COQ2: variants seen among roughly 807,000 people sequenced by gnomAD.
COQ2 encodes the protein coenzyme Q2, polyprenyltransferase, also known as 4-hydroxybenzoate polyprenyltransferase, mitochondrial.
In COQ2, 25 loss-of-function variants were observed where a neutral mutation model predicts 35.7. The ratio of observed to expected loss-of-function variants is 0.70; its 90% CI spans 0.51 to 0.98. COQ2 has a LOEUF of 0.98. COQ2 is among the 50% of genes least tolerant of loss of function. COQ2 has a pLI of 0.00. For missense variants in COQ2, 488 were observed against 473.5 expected (o/e 1.03, Z -0.28); for synonymous variants, 206 against 186.2 (o/e 1.11, Z -0.86).
intron 6 of COQ2, chr4:83,267,245 T>TGG: frequency 2.2e-6 from 1 of 450,006 alleles, no homozygotes; most frequent in Non-Finnish European, 4.4e-6. Flanking sequence ...GGCATGGTGG[T>TGG]GCATGACTGT....
rs1482340816 is a variant in COQ2, at chr4:83,267,720, C to T, written c.817G>A (p.Glu273Lys). The T allele has an allele frequency of 1.3e-6, 2 of 1,552,812 alleles. No homozygotes were observed. The highest frequency in any genetic ancestry group is 8.7e-7 in the Non-Finnish European group (1 of 1,147,610). Residue 273 changes from glutamate (E) to lysine (K), a missense_variant, in exon 6 of 7, where the codon GAA becomes AAA. Coordinates refer to ENST00000647002, the MANE Select transcript of COQ2 (RefSeq NM_001358921.2). ...GLKSTALRFG[E>K]NTKPWLSGFS... is the part of the protein sequence containing the mutation. ...CCGCTGAGCCACGGCTTGGTATTTT[C>T]TCCGAACCGCAGAGCCGTTGACTTA...
intron 3 of COQ2, among the ~76,000 whole-genome samples, chr4:83,273,197 C>A (rs747851939): frequency 6.6e-6 from 1 of 152,268 alleles, no homozygotes; most frequent in Middle Eastern, 3.4e-3. Flanking sequence ...GGTGTATACA[C>A]ACACATCCAT....
At chr4:83,269,514 T>A (rs888934875) in intron 5 of COQ2, among the ~76,000 whole-genome samples, 16 of 152,218 alleles carry the variant, frequency 1.1e-4, no homozygotes, top group African/African-American at 3.4e-4. Flanking sequence ...TCCTCTTCTG[T>A]TAAATGAGGA....
chr4:83,272,103 C>T lies in COQ2; in HGVS notation c.612G>A (p.Trp204Ter). The T allele has an allele frequency of 1.9e-6, 3 of 1,607,124 alleles. No homozygotes were observed. The South Asian group carries it at 3.3e-5, about 18-fold the overall frequency. ...TAAGCTCACCCAAGGCTAGTTGAGG[C>T]CAGTATGAAATTCTTTTCATTAGTG... is the stretch of plus-strand genomic sequence containing the variant. ...TYPLMKRISY[W>*]PQLALGLTFN... Residue 204 changes from tryptophan to a stop codon, truncating the protein, a stop_gained, in exon 4 of 7, where the codon TGG becomes TGA. Coordinates refer to ENST00000647002, the MANE Select transcript of COQ2 (RefSeq NM_001358921.2). LOFTEE classifies it high-confidence loss of function.
chr4:83,271,385 C>T (rs1164283475), intron 4 of COQ2, among the ~76,000 whole-genome samples: 3 of 152,200 alleles, frequency 2.0e-5, no homozygotes, highest in African/African-American at 7.2e-5. Context: ...AGAATACGAG[C>T]TGTCTAAGCT....
chr4:83,268,795 TA>T (rs889430545), intron 5 of COQ2, among the ~76,000 whole-genome samples: 15 of 152,208 alleles, frequency 9.9e-5, no homozygotes, highest in Non-Finnish European at 1.8e-4. Context: ...TAGCAGGGCA[TA>T]GGGGGTTTAG....
chr4:83,267,437 G>T, intron 6 of COQ2, 149 bp downstream of exon 6: 1 of 642,262 alleles, frequency 1.6e-6, no homozygotes, highest in Non-Finnish European at 2.6e-6. Flanking sequence ...AGTTGAGGCC[G>T]GAGGGCAGGG....
At chr4:83,285,032 T>C (rs565176568), upstream of COQ2, 8 of 733,566 alleles carry the variant, frequency 1.1e-5, no homozygotes, top group Admixed American at 2.9e-4. Flanking sequence ...TGATTGACTT[T>C]GTGGTTCCAT....
At chr4:83,274,952 C>T (rs1435063164) in intron 2 of COQ2, among the ~76,000 whole-genome samples, 1 of 152,190 alleles carries the variant, frequency 6.6e-6, no homozygotes, top group Non-Finnish European at 1.5e-5. Context: ...TGGGCCCATC[C>T]ACTGAATTAT....
intron 5 of COQ2, 92 bp from the exon 6 acceptor site, chr4:83,267,866 T>TG (rs1734960706): frequency 2.6e-6 from 3 of 1,160,666 alleles, no homozygotes; most frequent in East Asian, 2.6e-5. Flanking sequence ...AGTGTTTTTT[T>TG]GTATATTCAC....
chr4:83,268,515 CAAT>C (rs1734975513), intron 5 of COQ2, among the ~76,000 whole-genome samples: 1 of 152,226 alleles, frequency 6.6e-6, no homozygotes, highest in African/African-American at 2.4e-5. Flanking sequence ...ATCCAAATAA[CAAT>C]GACTGTGGGT....
At chr4:83,270,034 T>A in intron 4 of COQ2, 41 bp from the exon 5 acceptor site, 1 of 1,602,084 alleles carries the variant, frequency 6.2e-7, no homozygotes, top group Non-Finnish European at 8.5e-7. Context: ...AGTCTGTATG[T>A]ACTTTAGAAT....
At chr4:83,283,851 T>C (rs1735385610) in intron 1 of COQ2, 1 of 985,446 alleles carries the variant, frequency 1.0e-6, no homozygotes, top group African/African-American at 1.7e-5. Context: ...TAGGTGTTAA[T>C]TAAGATAGGA....
At chr4:83,280,046 T>C (rs532116484) in intron 1 of COQ2, among the ~76,000 whole-genome samples, 1 of 152,150 alleles carries the variant, frequency 6.6e-6, no homozygotes, top group South Asian at 2.1e-4. Flanking sequence ...CCCAGGCTAG[T>C]TGCAAACTCT....
At chr4:83,268,401 G>A (rs992674924) in intron 5 of COQ2, among the ~76,000 whole-genome samples, 1 of 152,150 alleles carries the variant, frequency 6.6e-6, no homozygotes, top group South Asian at 2.1e-4. Context: ...TCCATATACT[G>A]TTGTAAATAA....
rs750604213 is a variant in COQ2, at chr4:83,284,768, G to A, written c.-4C>T. 2 of 1,556,230 alleles carry A rather than the reference G, an allele frequency of 1.3e-6. No individual in the cohort carries two copies. The highest frequency in any genetic ancestry group is 8.6e-7 in the Non-Finnish European group (1 of 1,157,994). On this transcript the variant is annotated 5_prime_UTR_variant, in exon 1 of 7. Transcript: ENST00000647002. ...CCGCGGCTCGCGAGCCCAGCATGGC[G>A]CTGGTGAGGCCGGGACGAGCTCGGA...
Position 83,284,778 on chromosome 4 carries a change from C to A in COQ2, c.-14G>T. ...CGAGCCCAGCATGGCGCTGGTGAGG[C>A]CGGGACGAGCTCGGATTGACGTCAT... On this transcript the variant is annotated 5_prime_UTR_variant, in exon 1 of 7. Transcript: ENST00000647002. The A allele has an allele frequency of 6.4e-7, 1 of 1,562,442 alleles. No individual in the cohort carries two copies. The highest frequency in any genetic ancestry group is 8.6e-7 in the Non-Finnish European group (1 of 1,161,176).
chr4:83,270,383 C>T (rs981131032), intron 4 of COQ2, among the ~76,000 whole-genome samples: 8 of 152,190 alleles, frequency 5.3e-5, no homozygotes, highest in African/African-American at 1.9e-4. Context: ...TCTGTTACCA[C>T]TCTGCCTCCC....
intron 5 of COQ2, 39 bp from the exon 6 acceptor site, chr4:83,267,813 T>C: frequency 6.8e-7 from 1 of 1,466,684 alleles, no homozygotes; most frequent in African/African-American, 1.4e-5. Context: ...TTTTGAGATT[T>C]AGTTCACACA....
Sources: gnomAD v4.1 joint callset for allele counts (sites outside exome capture counted in the v4.1 genomes callset) on GRCh38, gnomAD v4.1.1 for gene constraint, MANE v1.5 for transcripts, NCBI Gene and HGNC (gene_info 2026-07-23, HGNC 2026-07-21) for gene names.